CARS2: variants seen among roughly 807,000 people sequenced by gnomAD.
The protein encoded by CARS2 is probable cysteine--tRNA ligase, mitochondrial.
CARS2 carries 52 observed loss-of-function variants against 68.8 expected under a neutral mutation model. The observed-to-expected ratio is 0.76, with a 90% CI of 0.61 to 0.95. The LOEUF is 0.95. Among genes scored for constraint, CARS2 ranks in the 40% least tolerant of loss-of-function variants. The probability of loss-of-function intolerance (pLI) is 0.00; values close to 1 mark genes in which losing one functional copy is unlikely to be tolerated. For synonymous variants in CARS2, 314 were observed against 303.6 expected, an observed-to-expected ratio of 1.03 and a Z score of -0.36; for missense variants, 780 against 754.2, an observed-to-expected ratio of 1.03 and a Z score of -0.40.
intron 2 of CARS2, among the ~76,000 whole-genome samples, chr13:110,703,240 T>C (rs990925389): frequency 6.6e-6 from 1 of 152,244 alleles, no homozygotes; most frequent in African/African-American, 2.4e-5. Flanking sequence ...CAGCAGGCAC[T>C]GTGTGCATCC....
rs916018424 is a variant in CARS2 at position 110,705,975 on chromosome 13, C to G, written c.119G>C (p.Arg40Pro). ...AGRAASGGRG[R>P]AWLQPTGRET... Reference sequence around the variant, plus strand: ...CCGGCCCGTGGGCTGCAGCCAGGCCCGCCCGCGCCCCCCGCTCGCCGCCCG... The same window carrying G: ...CCGGCCCGTGGGCTGCAGCCAGGCCGGCCCGCGCCCCCCGCTCGCCGCCCG... Residue 40 changes from arginine to proline, a missense_variant, in exon 1 of 15, where the codon CGG (arginine) becomes CCG (proline). Physicochemically the swap from Arg to Pro is moderately radical, Grantham distance 103. Coordinates refer to ENST00000257347, the MANE Select transcript of CARS2 (RefSeq NM_024537.4). The surrounding 1 kb of genome is among the most constrained non-coding windows in gnomAD (Gnocchi z 4.0). 8 of 1,514,934 alleles carry G rather than the reference C, an allele frequency of 5.3e-6. No individual in the cohort carries two copies. The highest frequency in any genetic ancestry group is 6.2e-6 in the Non-Finnish European group (7 of 1,135,720). 93.8% of individuals were successfully genotyped at this position (1,514,934 alleles called of 1,614,324 possible).
chr13:110,649,766 C>T (rs1270666490), intron 10 of CARS2, among the ~76,000 whole-genome samples: 2 of 152,008 alleles, frequency 1.3e-5, no homozygotes, highest in African/African-American at 4.8e-5. Flanking sequence ...GCAACCCTCG[C>T]TCACCAGGAA....
At chr13:110,644,511 C>G (rs763756720) in intron 12 of CARS2, 28 bp from the exon 13 acceptor site, 46 of 1,613,044 alleles carry the variant, frequency 2.9e-5, no homozygotes, top group Middle Eastern at 1.6e-4. Flanking sequence ...GCAGAAGCTC[C>G]TTAAAAGCAG....
exon 1 of CARS2, chr13:110,713,417 G>A (rs955579964): frequency 7.9e-6 from 8 of 1,007,776 alleles, no homozygotes; most frequent in African/African-American, 6.9e-5. Context: ...AACAGGCTCT[G>A]CCTCCAAGTG....
At position 110,668,752 on chromosome 13, in the gene CARS2, G is replaced by A. The variant is rs189573889; in HGVS notation, c.786-1279C>T. 8.5e-5 allele frequency among the ~76,000 whole-genome samples: 13 copies of A among 152,152 alleles called. No individual in the cohort carries two copies. Among genetic ancestry groups the A allele is most frequent in the African/African-American group, 3.1e-4 (13 of 41,492 alleles). On this transcript the variant is annotated intron_variant, in intron 7 of 14. Transcript: ENST00000257347. The surrounding 1 kb of genome is among the most constrained non-coding windows in gnomAD (Gnocchi z 4.1). ...GAAAGTTTCACAAGCTGAACTATGGGGCCACAACCTTCACTATGTTAGTTT... is the reference window on the plus strand; with the variant it reads ...GAAAGTTTCACAAGCTGAACTATGGAGCCACAACCTTCACTATGTTAGTTT...
Position 110,649,931 on chromosome 13 carries a change from C to CTGTTT in CARS2, c.1054+1102_1054+1103insAAACA, listed in dbSNP as rs1249270267. On this transcript the variant is annotated intron_variant, in intron 10 of 14. Transcript: ENST00000257347. ...CCAGGGATGCAGCTCTGGATAACGA[C>CTGTTT]TTTTTTTTTTTTTTTTTTTTTTTTG... is the stretch of plus-strand genomic sequence containing the variant. 4.8e-4 allele frequency among the ~76,000 whole-genome samples: 35 copies of CTGTTT among 73,144 alleles called. 3 individuals are homozygous for CTGTTT. The highest frequency in any genetic ancestry group is 1.2e-3 in the South Asian group (2 of 1,724). The allele number at this position is 73,144 out of a possible 152,430, so 48.0% of individuals were successfully genotyped here. A position where few individuals can be genotyped will look rare whatever the true frequency, so the allele number is the denominator to read the frequency against.
intron 8 of CARS2, chr13:110,666,565 A>C (rs2062654550): frequency 1.0e-6 from 1 of 985,302 alleles, no homozygotes; most frequent in African/African-American, 1.7e-5. Flanking sequence ...ATGTACTTTC[A>C]CGAAGAAACC....
rs186065582 is a variant in CARS2, at chr13:110,657,138, T to A, written c.988-6038A>T. ...TTTAAGATAAAACAAAAAGTTGATA[T>A]GCTCTTATGTTTAGTAAGAGAGGAA... On this transcript the variant is annotated intron_variant, in intron 9 of 14. Coordinates refer to ENST00000257347, the MANE Select transcript of CARS2 (RefSeq NM_024537.4). Among the ~76,000 whole-genome samples the A allele has an allele frequency of 1.2e-4, 14 of 120,210 alleles. No homozygotes were observed. In the East Asian group the frequency reaches 3.3e-3, roughly 29 times the overall value. The allele number at this position is 120,210 out of a possible 152,430, so 78.9% of individuals were successfully genotyped here. A position where few individuals can be genotyped will look rare whatever the true frequency, so the allele number is the denominator to read the frequency against.
chr13:110,652,249 C>T lies in CARS2; in HGVS notation c.988-1149G>A, dbSNP rs1196657783. Among the ~76,000 whole-genome samples, 6 of 152,272 alleles carry T rather than the reference C, an allele frequency of 3.9e-5. No individual in the cohort carries two copies. The South Asian group carries it at 1.0e-3, about 26-fold the overall frequency. The stretch of plus-strand genomic sequence containing the variant: ...CTGACACCAACCCACAGTCTGCACC[C>T]GCTCATCAGAGCTCAGATACCCACT... On this transcript the variant is annotated intron_variant, in intron 9 of 14. Coordinates refer to ENST00000257347, the MANE Select transcript of CARS2 (RefSeq NM_024537.4).
chr13:110,692,077 C>CATATATATACACACACATATATACATAT (rs1566334150), intron 3 of CARS2, among the ~76,000 whole-genome samples: 25 of 141,410 alleles, frequency 1.8e-4, no homozygotes, highest in Non-Finnish European at 2.6e-4. Flanking sequence ...TACACACATA[C>CATATATATACACACACATATATACATAT]ATATATATAC....
At chr13:110,675,224 T>C (rs1036810705) in intron 7 of CARS2, among the ~76,000 whole-genome samples, 3 of 152,196 alleles carry the variant, frequency 2.0e-5, no homozygotes, top group African/African-American at 7.2e-5. Flanking sequence ...ACCCAAAGGA[T>C]TATAAATCAT....
chr13:110,712,683 G>C (rs948752200), intron 1 of CARS2: 1 of 662,496 alleles, frequency 1.5e-6, no homozygotes, highest in African/African-American at 1.8e-5. Flanking sequence ...TCAGGACGCC[G>C]GCCGACCGGG....
At chr13:110,671,963 A>G (rs1162782432) in intron 7 of CARS2, among the ~76,000 whole-genome samples, 1 of 152,220 alleles carries the variant, frequency 6.6e-6, no homozygotes, top group Non-Finnish European at 1.5e-5. Flanking sequence ...CAAAAGAGAC[A>G]AAGAAGGCCA....
At chr13:110,646,911 C>T (rs754467333) in intron 11 of CARS2, 190 bp downstream of exon 11, 34 of 634,268 alleles carry the variant, frequency 5.4e-5, no homozygotes, top group Non-Finnish European at 7.8e-5. Context: ...TCTGGGGAGC[C>T]CCTGACCCCA....
chr13:110,709,930 A>G (rs1012345065), upstream of CARS2, among the ~76,000 whole-genome samples: 2 of 152,248 alleles, frequency 1.3e-5, no homozygotes, highest in African/African-American at 4.8e-5. Context: ...CTTAATGACA[A>G]CAATAACAAA....
In CARS2 at chr13:110,678,411, A is replaced by G. The variant is rs147374823; in HGVS notation, c.656-1308T>C. 6.9e-3 allele frequency among the ~76,000 whole-genome samples: 1,052 copies of G among 152,240 alleles called. 10 individuals are homozygous for G. The highest frequency in any genetic ancestry group is 0.024 in the African/African-American group (1,001 of 41,548). ...CAGGACAGGCACACCCCATGTGCAC[A>G]ACGTCCCAATATCACCCTTTCCACC... On this transcript the variant is annotated intron_variant, in intron 6 of 14. Transcript: ENST00000257347.
At chr13:110,675,039 C>G (rs1175888187) in intron 7 of CARS2, among the ~76,000 whole-genome samples, 1 of 1,260 alleles carries the variant, frequency 7.9e-4, no homozygotes, top group African/African-American at 8.9e-4. Flanking sequence ...GAATGGCAAT[C>G]ATTAAAACTC....
exon 1 of CARS2, chr13:110,713,402 C>T (rs926943012): frequency 4.9e-6 from 5 of 1,022,888 alleles, no homozygotes; most frequent in African/African-American, 1.7e-5. Flanking sequence ...CGTGCTGTGC[C>T]GCCCAACAGG....
chr13:110,679,992 T>C (rs2063110414), intron 6 of CARS2, among the ~76,000 whole-genome samples: 1 of 152,176 alleles, frequency 6.6e-6, no homozygotes, highest in Non-Finnish European at 1.5e-5. Flanking sequence ...CAACTCCTTG[T>C]TCTGAAAACT....
Sources: gnomAD v4.1 joint callset for allele counts (sites outside exome capture counted in the v4.1 genomes callset) on GRCh38, gnomAD v4.1.1 for gene constraint, Gnocchi (gnomAD v3.1) non-coding constraint, MANE v1.5 for transcripts, NCBI Gene and HGNC (gene_info 2026-07-23, HGNC 2026-07-21) for gene names.